Variants in IL1R2 observed in about 807,000 individuals in gnomAD.
IL1R2 encodes interleukin 1 receptor type 2.
IL1R2 carries 46 observed loss-of-function variants against 39.5 expected under a neutral mutation model. The observed-to-expected ratio is 1.16, with a 90% CI of 0.92 to 1.49. The LOEUF is 1.49. Among genes scored for constraint, IL1R2 ranks in the 40% most tolerant of loss-of-function variants. The pLI is 0.00. For synonymous variants in IL1R2, 207 were observed against 189.6 expected (o/e 1.09, Z -0.75); for missense variants, 537 against 502.0 (o/e 1.07, Z -0.67).
intron 8 of IL1R2, among the ~76,000 whole-genome samples, chr2:102,026,493 A>G (rs1471283039): frequency 6.6e-6 from 1 of 152,198 alleles, no homozygotes; most frequent in Non-Finnish European, 1.5e-5. Flanking sequence ...TGGAAAATGG[A>G]TGAAATGGTT....
intron 8 of IL1R2, among the ~76,000 whole-genome samples, chr2:102,027,812 C>A (rs1366249945): frequency 2.0e-5 from 3 of 152,160 alleles, no homozygotes; most frequent in Admixed American, 2.0e-4. Flanking sequence ...CTCCATTATT[C>A]AAAATTTATT....
chr2:102,017,334 T>C (rs1022222759), intron 4 of IL1R2, among the ~76,000 whole-genome samples: 11 of 149,778 alleles, frequency 7.3e-5, no homozygotes, highest in South Asian at 2.1e-4. Flanking sequence ...GAGGTGGAGG[T>C]TGCAGTGAGC....
At chr2:102,016,785 G>T (rs139733081) in intron 4 of IL1R2, among the ~76,000 whole-genome samples, 111 of 152,316 alleles carry the variant, frequency 7.3e-4, no homozygotes, top group Admixed American at 1.5e-3. Context: ...GAGGATATCC[G>T]TAGGTTATAT....
chr2:102,007,468 C>CTCAT (rs1324148719), intron 1 of IL1R2, among the ~76,000 whole-genome samples: 3 of 152,274 alleles, frequency 2.0e-5, no homozygotes, highest in Middle Eastern at 6.8e-3. Context: ...CATTAACTCA[C>CTCAT]TCATTCATTC....
intron 3 of IL1R2, among the ~76,000 whole-genome samples, chr2:102,011,288 A>G (rs1559419688): frequency 1.3e-5 from 2 of 152,172 alleles, no homozygotes; most frequent in Non-Finnish European, 2.9e-5. Flanking sequence ...TGTTAATTCT[A>G]TATTTAATTT....
intron 1 of IL1R2, among the ~76,000 whole-genome samples, chr2:101,993,221 A>C (rs1675431418): frequency 6.6e-6 from 1 of 152,126 alleles, no homozygotes; most frequent in African/African-American, 2.4e-5. Context: ...GAGAGGTAGT[A>C]GAGTGTGGTT....
intron 1 of IL1R2, among the ~76,000 whole-genome samples, chr2:102,005,469 C>T (rs1025811739): frequency 6.6e-6 from 1 of 152,114 alleles, no homozygotes; most frequent in Admixed American, 6.5e-5. Context: ...TGACAGAAAG[C>T]CTGGACACAT....
intron 3 of IL1R2, among the ~76,000 whole-genome samples, chr2:102,011,038 G>A (rs1676597663): frequency 6.6e-6 from 1 of 152,186 alleles, no homozygotes; most frequent in African/African-American, 2.4e-5. Context: ...GTGTTTTCAA[G>A]GTTCGTTCAT....
rs1031893178 is a variant in IL1R2, at chr2:102,026,095, T to C, written c.888-16T>C. On this transcript the variant is annotated splice_polypyrimidine_tract_variant and intron_variant, in intron 7 of 8. Coordinates refer to ENST00000332549, the MANE Select transcript of IL1R2 (RefSeq NM_004633.4). ...TTCGATACAATCATAATTAAGTGAATGTTTTTTTAACTCAGGGAATATTCA... is the reference window on the plus strand; with the variant it reads ...TTCGATACAATCATAATTAAGTGAACGTTTTTTTAACTCAGGGAATATTCA... 6.5e-7 allele frequency: 1 copy of C among 1,531,594 alleles called. No homozygotes were observed. Among genetic ancestry groups the C allele is most frequent in the Non-Finnish European group, 9.0e-7 (1 of 1,112,852 alleles). 94.9% of individuals were successfully genotyped at this position (1,531,594 alleles called of 1,614,324 possible). A position where few individuals can be genotyped will look rare whatever the true frequency, so the allele number is the denominator to read the frequency against.
At chr2:102,002,921 T>C (rs1224249732) in intron 1 of IL1R2, among the ~76,000 whole-genome samples, 1 of 148,086 alleles carries the variant, frequency 6.8e-6, no homozygotes, top group Non-Finnish European at 1.5e-5. Context: ...TATGTCTACA[T>C]GTATATCTCT....
At chr2:101,993,617 T>C (rs1343697973) in intron 1 of IL1R2, among the ~76,000 whole-genome samples, 1 of 152,172 alleles carries the variant, frequency 6.6e-6, no homozygotes, top group African/African-American at 2.4e-5. Context: ...TCTCTTTCTG[T>C]CTCTACTTCT....
chr2:101,995,416 G>A (rs1020756371), intron 1 of IL1R2, among the ~76,000 whole-genome samples: 1 of 152,176 alleles, frequency 6.6e-6, no homozygotes, highest in Admixed American at 6.5e-5. Context: ...GAAATTGGGG[G>A]CTCAGTCCTG....
chr2:102,011,428 C>T (rs1676627101), intron 3 of IL1R2, among the ~76,000 whole-genome samples: 1 of 152,182 alleles, frequency 6.6e-6, no homozygotes, highest in Admixed American at 6.5e-5. Context: ...AATAATCATC[C>T]TAATGGGTGT....
chr2:101,996,087 C>G (rs1361170294), intron 1 of IL1R2, among the ~76,000 whole-genome samples: 1 of 151,676 alleles, frequency 6.6e-6, no homozygotes, highest in African/African-American at 2.4e-5. Context: ...TTGTTTTTCT[C>G]AGTCACGTGC....
rs766617649 is a variant in IL1R2, at chr2:102,024,661, C to T, written c.880C>T (p.Pro294Ser). The stretch of plus-strand genomic sequence containing the variant: ...CCCGGGAGGCCGCGTGACCGAGGGG[C>T]CACGCCAGTAAGTGGGCCAGGGTCT... The part of the protein sequence containing the change: ...AYPGGRVTEG[P>S]RQEYSENNEN... Residue 294 changes from proline to serine, a missense_variant, in exon 7 of 9, where the codon CCA becomes TCA. Transcript: ENST00000332549. The T allele has an allele frequency of 6.2e-7, 1 of 1,613,894 alleles. No individual in the cohort carries two copies. Among genetic ancestry groups the T allele is most frequent in the Admixed American group, 1.7e-5 (1 of 60,018 alleles).
intron 5 of IL1R2, among the ~76,000 whole-genome samples, chr2:102,020,820 C>T (rs1458576336): frequency 6.6e-6 from 1 of 152,180 alleles, no homozygotes; most frequent in Admixed American, 6.5e-5. Context: ...ACATGCCTGT[C>T]TGTGTTGTGA....
chr2:102,003,988 GGTCTATGTCTATGTCTATGTCTAT>G lies in IL1R2; in HGVS notation c.-61-4488_-61-4465del, dbSNP rs58345449. ...AGGTCTAGGTCTTGGTCTCGGTCTG[GGTCTATGTCTATGTCTATGTCTAT>G]GTCTATGTCTATGTCTATGTCTATG... On this transcript the variant is annotated intron_variant, in intron 1 of 8. Coordinates refer to ENST00000332549, the MANE Select transcript of IL1R2 (RefSeq NM_004633.4). 9.2e-3 allele frequency among the ~76,000 whole-genome samples: 1,287 copies of G among 140,518 alleles called. 21 individuals carry two copies. The highest frequency in any genetic ancestry group is 0.032 in the African/African-American group (1,232 of 38,350). The allele number at this position is 140,518 out of a possible 152,430, so 92.2% of individuals were successfully genotyped here.
At chr2:102,006,592 G>A (rs568519917) in intron 1 of IL1R2, among the ~76,000 whole-genome samples, 1 of 152,298 alleles carries the variant, frequency 6.6e-6, no homozygotes, top group East Asian at 1.9e-4. Flanking sequence ...AACAACTCAA[G>A]GTAAAAGTGG....
chr2:101,995,540 T>C (rs1675547798), intron 1 of IL1R2, among the ~76,000 whole-genome samples: 1 of 152,210 alleles, frequency 6.6e-6, no homozygotes, highest in Non-Finnish European at 1.5e-5. Flanking sequence ...ACATCTCACC[T>C]ACAGCAATGT....
Sources: allele counts gnomAD v4.1 joint callset (sites outside exome capture counted in the v4.1 genomes callset), GRCh38; gene constraint gnomAD v4.1.1; transcripts MANE v1.5; gene names NCBI Gene and HGNC (gene_info 2026-07-23, HGNC 2026-07-21).